The following ACER1 variants were observed in gnomAD, a reference collection of about 807,000 sequenced individuals.
ACER1 encodes the protein alkaline ceramidase 1.
A neutral mutation model predicts 24.9 loss-of-function variants in ACER1; 28 were observed. The observed-to-expected ratio is 1.13, with a 90% CI of 0.83 to 1.54. The LOEUF (loss-of-function observed/expected upper bound fraction) is 1.54, where lower values mean the gene tolerates loss of function less well. ACER1 is among the 40% of genes most tolerant of loss of function. ACER1 has a pLI of 0.00. For synonymous variants in ACER1, 132 were observed against 131.4 expected, an observed-to-expected ratio of 1.00 and a Z score of -0.03; for missense variants, 352 against 349.3, an observed-to-expected ratio of 1.01 and a Z score of -0.06.
At chr19:6,344,932 C>T in the ACER1 span, among the ~76,000 whole-genome samples, 1 of 151,748 alleles carries the variant, frequency 6.6e-6, no homozygotes, top group Non-Finnish European at 1.5e-5. Flanking sequence ...GTGGCACGAT[C>T]TCGGCTCACT....
intron 1 of ACER1, among the ~76,000 whole-genome samples, chr19:6,321,292 T>C (rs1236460010): frequency 6.6e-6 from 1 of 151,728 alleles, no homozygotes; most frequent in Non-Finnish European, 1.5e-5. Context: ...CCCATCACCA[T>C]GCTTGTCTAT....
Position 6,307,207 on chromosome 19 carries a change from C to A in ACER1, c.572G>T (p.Arg191Leu), listed in dbSNP as rs151165925. The change falls in exon 5 of 6, where the codon CGT becomes CTT. Residue 191 changes from arginine to leucine, a missense_variant. Transcript: ENST00000301452. ...AVALTSWISD[R>L]LLCSFWQRIH... is the part of the protein sequence containing the mutation. ...CCTCTGCCAGAAGCTGCAAAGCAGA[C>A]GGTCACTGATCCAGCTGGTCAGAGC... The A allele has an allele frequency of 6.2e-7, 1 of 1,614,008 alleles. No individual in the cohort carries two copies. The highest frequency in any genetic ancestry group is 1.7e-5 in the Admixed American group (1 of 59,996).
chr19:6,316,549 G>A (rs557770758), intron 1 of ACER1, among the ~76,000 whole-genome samples: 50 of 152,036 alleles, frequency 3.3e-4, no homozygotes, highest in Non-Finnish European at 6.5e-4. Context: ...GGCCGGGCGC[G>A]GTGGCTTGCA....
At chr19:6,335,414 G>A (rs1480284541), upstream of ACER1, among the ~76,000 whole-genome samples, 5 of 151,402 alleles carry the variant, frequency 3.3e-5, no homozygotes, top group African/African-American at 4.8e-5. Context: ...TAGTAGAGAC[G>A]GGGTTTCACC....
At chr19:6,313,156 G>C (rs943091965) in intron 1 of ACER1, among the ~76,000 whole-genome samples, 1 of 151,718 alleles carries the variant, frequency 6.6e-6, no homozygotes, top group Non-Finnish European at 1.5e-5. Context: ...CTTGCTGTCT[G>C]CTGCCAGGCT....
upstream of ACER1, among the ~76,000 whole-genome samples, chr19:6,335,818 A>C (rs1313068142): frequency 1.3e-5 from 2 of 151,768 alleles, no homozygotes; most frequent in East Asian, 3.9e-4. Flanking sequence ...GTGACAGAGA[A>C]AGACTCTGTC....
At chr19:6,349,371 AGGAG>A in the ACER1 span, among the ~76,000 whole-genome samples, 7 of 140,198 alleles carry the variant, frequency 5.0e-5, no homozygotes, top group Non-Finnish European at 1.1e-4. Context: ...GAGGGACAGA[AGGAG>A]GGAGGGAAGG....
upstream of ACER1, among the ~76,000 whole-genome samples, chr19:6,334,915 C>T (rs1264708651): frequency 6.7e-6 from 1 of 149,682 alleles, no homozygotes; most frequent in Non-Finnish European, 1.5e-5. Flanking sequence ...CTGAAGCTGA[C>T]CTTGAACTTT....
chr19:6,309,072 A>G (rs1257745662), intron 4 of ACER1, among the ~76,000 whole-genome samples: 1 of 151,812 alleles, frequency 6.6e-6, no homozygotes, highest in East Asian at 1.9e-4. Context: ...GGTGGCATAC[A>G]CCTGTACTCC....
chr19:6,320,432 C>T (rs933024400), intron 1 of ACER1, among the ~76,000 whole-genome samples: 3 of 152,150 alleles, frequency 2.0e-5, no homozygotes, highest in Admixed American at 2.0e-4. Flanking sequence ...CCTGCCTCAG[C>T]CTCCTGAGTA....
At position 6,317,847 on chromosome 19, in the gene ACER1, C is replaced by T. The variant is rs554597568; in HGVS notation, c.94-5348G>A. Among the ~76,000 whole-genome samples, 27 of 151,986 alleles carry T rather than the reference C, an allele frequency of 1.8e-4. No homozygotes were observed. The Middle Eastern group carries it at 0.02, about 115-fold the overall frequency. On this transcript the variant is annotated intron_variant, in intron 1 of 5. Transcript: ENST00000301452. Reference sequence around the variant, plus strand: ...TTGGCTCACTGCAACCTCCACCGCCCGGGTTCAAGCAATTCTCCTGCCTCA... The same window carrying T: ...TTGGCTCACTGCAACCTCCACCGCCTGGGTTCAAGCAATTCTCCTGCCTCA...
At chr19:6,337,956 C>A (rs1216379035), upstream of ACER1, among the ~76,000 whole-genome samples, 2 of 151,434 alleles carry the variant, frequency 1.3e-5, no homozygotes, top group African/African-American at 4.8e-5. Flanking sequence ...GGACTACAGG[C>A]GTGAGCCACC....
At chr19:6,358,558 C>T in the ACER1 span, among the ~76,000 whole-genome samples, 2 of 149,714 alleles carry the variant, frequency 1.3e-5, no homozygotes, top group African/African-American at 4.9e-5. Flanking sequence ...ACCTGGGAGG[C>T]GGAGCTTGCA....
intron 1 of ACER1, among the ~76,000 whole-genome samples, chr19:6,322,551 C>A (rs892770502): frequency 6.6e-6 from 1 of 152,142 alleles, no homozygotes; most frequent in East Asian, 1.9e-4. Flanking sequence ...TGGGCTGACT[C>A]CTCGGGTGTT....
At chr19:6,309,323 A>G (rs2091566098) in intron 4 of ACER1, among the ~76,000 whole-genome samples, 1 of 152,144 alleles carries the variant, frequency 6.6e-6, no homozygotes, top group African/African-American at 2.4e-5. Flanking sequence ...GTTCAAGACC[A>G]GATTGGGCAA....
chr19:6,312,629 A>T, intron 1 of ACER1, 130 bp from the exon 2 acceptor site: 5 of 587,428 alleles, frequency 8.5e-6, no homozygotes, highest in Admixed American at 2.7e-5. Flanking sequence ...TCAACCCAGG[A>T]TTTGTCAATC....
intron 1 of ACER1, among the ~76,000 whole-genome samples, chr19:6,324,602 A>T (rs1192857521): frequency 6.6e-6 from 1 of 151,110 alleles, no homozygotes; most frequent in Non-Finnish European, 1.5e-5. Flanking sequence ...TACTAAAAAA[A>T]AAAAAATACA....
At chr19:6,312,118 A>T in intron 3 of ACER1, 31 bp downstream of exon 3, 1 of 1,608,838 alleles carries the variant, frequency 6.2e-7, no homozygotes, top group African/African-American at 1.3e-5. Context: ...CTCAGACCCC[A>T]CCCTGTCCAG....
the ACER1 span, among the ~76,000 whole-genome samples, chr19:6,351,310 G>A: frequency 6.6e-6 from 1 of 152,038 alleles, no homozygotes; most frequent in Non-Finnish European, 1.5e-5. Flanking sequence ...GGGTTGCAGT[G>A]AGCCGAGATT....
Sources: allele counts gnomAD v4.1 joint callset (sites outside exome capture counted in the v4.1 genomes callset), GRCh38; gene constraint gnomAD v4.1.1; transcripts MANE v1.5; gene names NCBI Gene and HGNC (gene_info 2026-07-23, HGNC 2026-07-21).